The following GABRA3 variants were observed in gnomAD, a reference collection of about 807,000 sequenced individuals.
The protein encoded by GABRA3 is gamma-aminobutyric acid receptor subunit alpha-3.
GABRA3 carries 10 observed loss-of-function variants against 30.1 expected under a neutral mutation model. That is an observed-to-expected ratio of 0.33 (90% confidence interval 0.20 to 0.56). GABRA3 has a LOEUF of 0.56. Among genes scored for constraint, GABRA3 ranks in the 20% least tolerant of loss-of-function variants. The probability of loss-of-function intolerance (pLI) is 0.89; values close to 1 mark genes in which losing one functional copy is unlikely to be tolerated. For missense variants in GABRA3, 233 were observed against 392.0 expected, an observed-to-expected ratio of 0.59 and a Z score of 3.42; for synonymous variants, 151 against 146.8, an observed-to-expected ratio of 1.03 and a Z score of -0.21.
chrX:152,407,143 A>G (rs1929956537), intron 1 of GABRA3, among the ~76,000 whole-genome samples: 1 of 112,079 alleles, frequency 8.9e-6, no homozygotes, highest in Non-Finnish European at 1.9e-5. Flanking sequence ...AAAAGCTACA[A>G]ATAAATAACC....
chrX:152,340,068 T>C (rs1569401625), intron 3 of GABRA3, among the ~76,000 whole-genome samples: 2 of 112,136 alleles, frequency 1.8e-5, no homozygotes, highest in Non-Finnish European at 3.8e-5. Context: ...TGCTATTTGT[T>C]TTCTGTTTGT....
intron 6 of GABRA3, among the ~76,000 whole-genome samples, chrX:152,211,208 G>T (rs1220868674): frequency 9.1e-6 from 1 of 109,814 alleles, no homozygotes; most frequent in Non-Finnish European, 1.9e-5. Flanking sequence ...AGTAAGCAAT[G>T]GAAGATTTTG....
chrX:152,429,302 T>C (rs1048355960), intron 1 of GABRA3, among the ~76,000 whole-genome samples: 6 of 109,578 alleles, frequency 5.5e-5, no homozygotes, highest in Non-Finnish European at 1.1e-4. Context: ...TCCCTCTCTT[T>C]CTCCAGATTA....
At chrX:152,421,107 ACACACACAC>A (rs1930361431) in intron 1 of GABRA3, among the ~76,000 whole-genome samples, 1 of 106,634 alleles carries the variant, frequency 9.4e-6, no homozygotes, top group African/African-American at 3.6e-5. Flanking sequence ...ATACACACAC[ACACACACAC>A]ACACACACAC....
At chrX:152,275,102 CAT>C (rs1479432560) in intron 4 of GABRA3, among the ~76,000 whole-genome samples, 3 of 65,301 alleles carry the variant, frequency 4.6e-5, no homozygotes, top group Non-Finnish European at 2.6e-5. Flanking sequence ...ATACATGTAT[CAT>C]ATATTATTTA....
At chrX:152,359,841 T>A (rs773826474) in intron 2 of GABRA3, among the ~76,000 whole-genome samples, 1 of 112,275 alleles carries the variant, frequency 8.9e-6, no homozygotes, top group South Asian at 3.8e-4. Context: ...ACAACCTTAA[T>A]ATTTGGGCCA....
intron 3 of GABRA3, among the ~76,000 whole-genome samples, chrX:152,320,760 G>C (rs1427031162): frequency 9.0e-6 from 1 of 111,359 alleles, no homozygotes; most frequent in Non-Finnish European, 1.9e-5. Context: ...AAGATGGATA[G>C]GTAGGTATAC....
chrX:152,307,249 A>G (rs1285547878), intron 3 of GABRA3, among the ~76,000 whole-genome samples: 1 of 112,148 alleles, frequency 8.9e-6, no homozygotes, highest in East Asian at 2.8e-4. Context: ...AGTAAATTAA[A>G]TAAGGGATGC....
At chrX:152,416,406 A>G (rs1166299539) in intron 1 of GABRA3, among the ~76,000 whole-genome samples, 2 of 104,292 alleles carry the variant, frequency 1.9e-5, no homozygotes, top group Non-Finnish European at 3.9e-5. Flanking sequence ...TTCCATGCTC[A>G]TGGGTAGGAA....
At chrX:152,359,101 T>C (rs889510981) in intron 2 of GABRA3, among the ~76,000 whole-genome samples, 3 of 111,868 alleles carry the variant, frequency 2.7e-5, no homozygotes, top group African/African-American at 9.7e-5. Context: ...TCCTTCCTCC[T>C]CAGTTATTTG....
Position 152,369,341 on chromosome X carries a change from T to A in GABRA3, c.-26-4745A>T, listed in dbSNP as rs1928760146. Among the ~76,000 whole-genome samples, 5 of 83,140 alleles carry A rather than the reference T, an allele frequency of 6.0e-5. No individual in the cohort carries two copies. In the South Asian group the frequency reaches 3.6e-3, roughly 59 times the overall value. 72.2% of individuals were successfully genotyped at this position (83,140 alleles called of 115,157 possible). On this transcript the variant is annotated intron_variant, in intron 1 of 9. Transcript: ENST00000370314. ...CATCATGTTGTACATGGTAAATGCA[T>A]GCAATTTTTATCTGTCAATTAATAA... is the stretch of plus-strand genomic sequence containing the variant.
chrX:152,255,729 C>A, intron 5 of GABRA3, 49 bp downstream of exon 5: 1 of 1,078,093 alleles, frequency 9.3e-7, no homozygotes, highest in Non-Finnish European at 1.3e-6. Flanking sequence ...TGCTTTCAAG[C>A]CCAGTCCTAC....
At chrX:152,377,177 G>C (rs903404869) in intron 1 of GABRA3, among the ~76,000 whole-genome samples, 1 of 111,438 alleles carries the variant, frequency 9.0e-6, no homozygotes, top group Non-Finnish European at 1.9e-5. Context: ...AAAAATGTAT[G>C]TGGTCATTCC....
intron 4 of GABRA3, among the ~76,000 whole-genome samples, chrX:152,279,246 C>T (rs1198572743): frequency 8.9e-6 from 1 of 111,765 alleles, no homozygotes; most frequent in African/African-American, 3.3e-5. Flanking sequence ...GGTTTTAGGT[C>T]TAACATTTAA....
At chrX:152,313,908 T>G (rs770849067) in intron 3 of GABRA3, among the ~76,000 whole-genome samples, 38 of 111,325 alleles carry the variant, frequency 3.4e-4, no homozygotes, top group African/African-American at 1.2e-3. Context: ...AAATAAGCAC[T>G]GAGGAACCTG....
At chrX:152,418,379 A>G (rs1036475453) in intron 1 of GABRA3, among the ~76,000 whole-genome samples, 30 of 112,019 alleles carry the variant, frequency 2.7e-4, no homozygotes, top group Non-Finnish European at 5.3e-4. Flanking sequence ...TAACAAATAG[A>G]AAATCATCTC....
At chrX:152,377,032 G>C (rs1284826337) in intron 1 of GABRA3, among the ~76,000 whole-genome samples, 1 of 111,939 alleles carries the variant, frequency 8.9e-6, no homozygotes, top group African/African-American at 3.2e-5. Flanking sequence ...TTGCTATTGA[G>C]AATGGATTCA....
chrX:152,301,529 T>C (rs1458823299), intron 3 of GABRA3, among the ~76,000 whole-genome samples: 1 of 111,547 alleles, frequency 9.0e-6, no homozygotes, highest in Non-Finnish European at 1.9e-5. Context: ...GTCCTATGTT[T>C]TTTTGTTTCT....
intron 3 of GABRA3, among the ~76,000 whole-genome samples, chrX:152,291,029 A>G (rs1194828297): frequency 9.0e-6 from 1 of 111,605 alleles, no homozygotes; most frequent in Admixed American, 9.5e-5. Context: ...ACTTTAAAGT[A>G]GTTTTTTTCC....
Sources: allele counts gnomAD v4.1 joint callset (sites outside exome capture counted in the v4.1 genomes callset), GRCh38; gene constraint gnomAD v4.1.1; transcripts MANE v1.5; gene names NCBI Gene and HGNC (gene_info 2026-07-23, HGNC 2026-07-21).